Variants in XPR1 observed in about 807,000 individuals in gnomAD.
XPR1 encodes solute carrier family 53 member 1.
Under a neutral mutation model 87.5 loss-of-function variants are expected in XPR1, and 28 were observed. The observed-to-expected ratio is 0.32, with a 90% CI of 0.24 to 0.44. The LOEUF (loss-of-function observed/expected upper bound fraction) is 0.44, where lower values mean the gene tolerates loss of function less well. Ranked by LOEUF, XPR1 falls within the 20% of genes least tolerant of loss-of-function variation. XPR1 has a pLI of 1.00. For missense variants in XPR1, 559 were observed against 862.3 expected (o/e 0.65, Z 4.41); for synonymous variants, 300 against 306.1 (o/e 0.98, Z 0.21).
At chr1:180,862,934 T>C (rs1652268060) in intron 11 of XPR1, among the ~76,000 whole-genome samples, 1 of 152,116 alleles carries the variant, frequency 6.6e-6, no homozygotes, top group African/African-American at 2.4e-5. Flanking sequence ...AAGAAGAATT[T>C]CATTAGATAG....
chr1:180,652,038 T>C (rs1399635642), intron 1 of XPR1, among the ~76,000 whole-genome samples: 2 of 152,152 alleles, frequency 1.3e-5, no homozygotes, highest in East Asian at 3.9e-4. Flanking sequence ...ACGCCTGTAA[T>C]TTCAGCATTT....
chr1:180,717,510 C>T (rs986838062), intron 2 of XPR1, among the ~76,000 whole-genome samples: 3 of 151,796 alleles, frequency 2.0e-5, no homozygotes, highest in South Asian at 2.1e-4. Context: ...TGTTTTTTTT[C>T]TGAACATGTA....
chr1:180,853,070 A>G (rs568122883), intron 11 of XPR1, among the ~76,000 whole-genome samples: 1 of 152,186 alleles, frequency 6.6e-6, no homozygotes, highest in Non-Finnish European at 1.5e-5. Flanking sequence ...AGCTGGAATT[A>G]CAGGCGCACA....
At chr1:180,762,092 A>T (rs1275247304) in intron 2 of XPR1, among the ~76,000 whole-genome samples, 1 of 133,010 alleles carries the variant, frequency 7.5e-6, no homozygotes, top group East Asian at 2.4e-4. Flanking sequence ...GGACACAGGA[A>T]GGGGATCATC....
intron 1 of XPR1, among the ~76,000 whole-genome samples, chr1:180,679,198 A>C (rs1656473008): frequency 6.6e-6 from 1 of 151,574 alleles, no homozygotes; most frequent in African/African-American, 2.4e-5. Context: ...CCATCTCAAA[A>C]AACAAAAAAA....
chr1:180,635,698 GTA>G (rs1654736986), intron 1 of XPR1, among the ~76,000 whole-genome samples: 1 of 152,210 alleles, frequency 6.6e-6, no homozygotes, highest in South Asian at 2.1e-4. Context: ...AGGAATATGT[GTA>G]TATGTCTCTT....
intron 2 of XPR1, among the ~76,000 whole-genome samples, chr1:180,689,589 A>G (rs1490647676): frequency 6.6e-6 from 1 of 152,204 alleles, no homozygotes; most frequent in Non-Finnish European, 1.5e-5. Flanking sequence ...TGAAGACAGA[A>G]TAGTGAGAGT....
intron 2 of XPR1, among the ~76,000 whole-genome samples, chr1:180,685,447 C>T (rs900297046): frequency 6.6e-6 from 1 of 152,058 alleles, no homozygotes; most frequent in Non-Finnish European, 1.5e-5. Context: ...CTAAAATTCT[C>T]TTTTTTTGTT....
chr1:180,644,734 C>T (rs1006760707), intron 1 of XPR1, among the ~76,000 whole-genome samples: 2 of 151,972 alleles, frequency 1.3e-5, no homozygotes, highest in Non-Finnish European at 2.9e-5. Context: ...GACAGTTTTT[C>T]CACATACCAG....
At chr1:180,644,746 G>A (rs1400810465) in intron 1 of XPR1, among the ~76,000 whole-genome samples, 1 of 151,994 alleles carries the variant, frequency 6.6e-6, no homozygotes, top group African/African-American at 2.4e-5. Flanking sequence ...ACATACCAGG[G>A]GGAGGGGGAG....
chr1:180,864,968 G>C (rs755400713), intron 12 of XPR1, among the ~76,000 whole-genome samples: 1 of 152,190 alleles, frequency 6.6e-6, no homozygotes, highest in African/African-American at 2.4e-5. Context: ...GATGGAGAGG[G>C]AAGTGTAGAT....
chr1:180,664,951 C>T (rs1335105944), intron 1 of XPR1, among the ~76,000 whole-genome samples: 3 of 152,296 alleles, frequency 2.0e-5, no homozygotes, highest in Admixed American at 6.5e-5. Context: ...CTAATGCTGC[C>T]GCTGATCTGA....
chr1:180,787,701 T>G (rs1355593609), intron 2 of XPR1, 52 bp from the exon 3 acceptor site: 8 of 1,276,832 alleles, frequency 6.3e-6, no homozygotes, highest in Non-Finnish European at 8.8e-6. Flanking sequence ...TCCTTAGTTT[T>G]CTCAATTGGC....
intron 2 of XPR1, among the ~76,000 whole-genome samples, chr1:180,683,017 A>G (rs1473126113): frequency 6.6e-6 from 1 of 151,936 alleles, no homozygotes; most frequent in African/African-American, 2.4e-5. Context: ...ACATGTGCAC[A>G]ATGTGCAGGT....
intron 2 of XPR1, among the ~76,000 whole-genome samples, chr1:180,769,455 TTCTCTCTCTC>T (rs113535211): frequency 8.4e-6 from 1 of 118,686 alleles, no homozygotes; most frequent in Non-Finnish European, 1.8e-5. Context: ...TAACCATCCT[TTCTCTCTCTC>T]TCTCTCTCTC....
At chr1:180,768,006 G>T (rs1439700217) in intron 2 of XPR1, among the ~76,000 whole-genome samples, 1 of 152,002 alleles carries the variant, frequency 6.6e-6, no homozygotes, top group Non-Finnish European at 1.5e-5. Context: ...CACCATTCCT[G>T]GCTAATTTTT....
At chr1:180,772,618 A>AAT (rs1412784201) in intron 2 of XPR1, among the ~76,000 whole-genome samples, 2 of 152,146 alleles carry the variant, frequency 1.3e-5, no homozygotes, top group African/African-American at 4.8e-5. Context: ...GAGATGATTG[A>AAT]ATCTTGAGGG....
chr1:180,690,103 C>T (rs1029749128), intron 2 of XPR1, among the ~76,000 whole-genome samples: 2 of 150,866 alleles, frequency 1.3e-5, no homozygotes, highest in Non-Finnish European at 2.9e-5. Flanking sequence ...TTGCAGTGAG[C>T]TGAGATTGTG....
chr1:180,822,704 G>A (rs1293947536), intron 7 of XPR1, among the ~76,000 whole-genome samples: 3 of 152,108 alleles, frequency 2.0e-5, no homozygotes, highest in Non-Finnish European at 4.4e-5. Context: ...TTTGATATAT[G>A]TTGTTCACAT....
Sources: gnomAD v4.1 joint callset for allele counts (sites outside exome capture counted in the v4.1 genomes callset) on GRCh38, gnomAD v4.1.1 for gene constraint, MANE v1.5 for transcripts, NCBI Gene and HGNC (gene_info 2026-07-23, HGNC 2026-07-21) for gene names.